Variants in HIRIP3 observed in about 807,000 individuals in gnomAD.
The protein encoded by HIRIP3 is HIRA interacting protein 3, also known as HIRA-interacting protein 3.
A neutral mutation model predicts 50.3 loss-of-function variants in HIRIP3; 40 were observed. The observed-to-expected ratio is 0.79, with a 90% CI of 0.62 to 1.03. The LOEUF is 1.03. Among genes scored for constraint, HIRIP3 ranks in the 50% least tolerant of loss-of-function variants. HIRIP3 has a pLI of 0.00. For synonymous variants in HIRIP3, 318 were observed against 261.6 expected (o/e 1.22, Z -2.08); for missense variants, 765 against 705.4 (o/e 1.08, Z -0.96).
At chr16:29,995,835 A>T (rs2070087510), upstream of HIRIP3, 1 of 610,230 alleles carries the variant, frequency 1.6e-6, no homozygotes. Flanking sequence ...ATCATTTTAA[A>T]AGTTCTCGTT....
intron 5 of HIRIP3, 28 bp downstream of exon 5, chr16:29,993,612 G>A (rs1363122447): frequency 6.2e-7 from 1 of 1,611,466 alleles, no homozygotes; most frequent in Non-Finnish European, 8.5e-7. Flanking sequence ...GCCCTCTCCT[G>A]CAGCCCCCAG....
rs570816593 is a variant in HIRIP3, at chr16:29,993,345, C to T, written c.1533G>A (p.Trp511Ter). Residue 511 changes from tryptophan to a stop codon, truncating the protein, a stop_gained, in exon 7 of 7, where the codon TGG becomes TGA. Transcript: ENST00000279392. LOFTEE classifies it high-confidence loss of function. ...GGGGTGCTGCTTCTCCTAAAGGGTT[C>T]CAGGCTGTACGTCTGCGTGGCCGGC... is the stretch of plus-strand genomic sequence containing the variant. Reference protein sequence around the residue: ...GSGRPRRRTAWNPLGEAAPPG... With the variant: ...GSGRPRRRTA The T allele has an allele frequency of 6.5e-7, 1 of 1,549,870 alleles. No homozygotes were observed. Among genetic ancestry groups the T allele is most frequent in the Non-Finnish European group, 8.7e-7 (1 of 1,144,560 alleles).
upstream of HIRIP3, chr16:29,995,824 G>T: frequency 1.6e-6 from 1 of 618,566 alleles, no homozygotes; most frequent in African/African-American, 1.8e-5. Context: ...TTTTGGAACG[G>T]ATCATTTTAA....
Position 29,995,441 on chromosome 16 carries a change from G to A in HIRIP3, c.88C>T (p.Arg30Trp), listed in dbSNP as rs1243913922. ...CCCGAGTGAGCTAAGTACCTCCGCC[G>A]CACGATGGAATGCGTAAGCGTGCTG... Reference protein sequence around the residue: ...DLSTLTHSIVRRRYLAHSGRS... With the variant: ...DLSTLTHSIVWRRYLAHSGRS... The change falls in exon 2 of 7, where the codon CGG becomes TGG. Residue 30 changes from arginine to tryptophan, a missense_variant. Physicochemically the swap from Arg to Trp is moderately radical, Grantham distance 101. Coordinates refer to ENST00000279392, the MANE Select transcript of HIRIP3 (RefSeq NM_003609.5). 2.5e-6 allele frequency: 4 copies of A among 1,613,482 alleles called. No homozygotes were observed. The highest frequency in any genetic ancestry group is 3.4e-6 in the Non-Finnish European group (4 of 1,179,770).
At position 29,993,105 on chromosome 16, in the gene HIRIP3, G is replaced by A; in HGVS notation, c.*102C>T. 9.1e-7 allele frequency: 1 copy of A among 1,103,720 alleles called. No individual in the cohort carries two copies. The allele number at this position is 1,103,720 out of a possible 1,614,324, so 68.4% of individuals were successfully genotyped here. A position where few individuals can be genotyped will look rare whatever the true frequency, so the allele number is the denominator to read the frequency against. On this transcript the variant is annotated 3_prime_UTR_variant, in exon 7 of 7. Coordinates refer to ENST00000279392, the MANE Select transcript of HIRIP3 (RefSeq NM_003609.5). ...ACAGCTTGTGTCCTTGGGAGCTGCA[G>A]TCTTCTCTGAAGGAAGCTGCTTCTG...
At position 29,995,218 on chromosome 16, in the gene HIRIP3, C is replaced by CTG. The variant is rs756154606; in HGVS notation, c.187-3_187-2dup. 5 of 1,614,098 alleles carry CTG rather than the reference C, an allele frequency of 3.1e-6. No homozygotes were observed. The African/African-American group carries it at 5.3e-5, about 17-fold the overall frequency. ...CTTCCCTGGAAGCGGCTTCATCCAC[C>CTG]TGTGTGTGCGCCAAGAGGGCAAACT... On this transcript the variant is annotated splice_acceptor_variant, in intron 2 of 6. Coordinates refer to ENST00000279392, the MANE Select transcript of HIRIP3 (RefSeq NM_003609.5). LOFTEE classifies it high-confidence loss of function.
rs529203258 is a variant in HIRIP3 at position 29,993,729 on chromosome 16, C to G, written c.1319G>C (p.Arg440Pro). Residue 440 changes from arginine (R) to proline (P), a missense_variant, in exon 5 of 7, where the codon CGA becomes CCA. Transcript: ENST00000279392. Reference protein sequence around the residue: ...KRYIRACGAHRNYKKLLGSCC... With the variant: ...KRYIRACGAHPNYKKLLGSCC... ...GGAGCCCAACAGCTTCTTGTAGTTT[C>G]GATGGGCACCACAGGCCCGAATGTA... 1.2e-6 allele frequency: 2 copies of G among 1,609,154 alleles called. No homozygotes were observed. The highest frequency in any genetic ancestry group is 1.7e-5 in the Admixed American group (1 of 60,026).
In HIRIP3 at chr16:29,994,827, G is replaced by A; in HGVS notation, c.318C>T (p.Ala106=). 3 of 1,610,822 alleles carry A rather than the reference G, an allele frequency of 1.9e-6. No homozygotes were observed. Among genetic ancestry groups the A allele is most frequent in the Non-Finnish European group, 2.5e-6 (3 of 1,178,388 alleles). The part of the protein sequence containing the change: ...FNSESESGSE[A]SSPDYFGPPA... ...GGGGTCCAAAGTAGTCTGGGCTGGA[G>A]GCTTCAGAGCCGGACTCTGGAATAT... The change falls in exon 4 of 7, where the codon GCC becomes GCT. Residue 106 remains alanine (A), a synonymous_variant. Transcript: ENST00000279392.
chr16:29,995,330 C>A lies in HIRIP3; in HGVS notation c.186+13G>T, dbSNP rs1213505330. The A allele has an allele frequency of 6.2e-7, 1 of 1,608,648 alleles. No homozygotes were observed. Among genetic ancestry groups the A allele is most frequent in the African/African-American group, 1.3e-5 (1 of 74,844 alleles). ...CCTCCGCCTCCCGCGGCCCAGGCTC[C>A]GGCCCGGCACACCTGCATCTTCAGC... On this transcript the variant is annotated intron_variant, in intron 2 of 6. Coordinates refer to ENST00000279392, the MANE Select transcript of HIRIP3 (RefSeq NM_003609.5).
Position 29,993,684 on chromosome 16 carries a change from C to G in HIRIP3, c.1364G>C (p.Arg455Pro). The change falls in exon 5 of 7, where the codon CGC becomes CCC. Residue 455 changes from arginine to proline, a missense_variant. Arg to Pro is a moderately radical substitution (Grantham distance 103). Transcript: ENST00000279392. ...CAGTTCTGCCCGGAGGATACTCAGGCGCTCCTTGTGTGAGCAACAGGAGCC... is the reference window on the plus strand; with the variant it reads ...CAGTTCTGCCCGGAGGATACTCAGGGGCTCCTTGTGTGAGCAACAGGAGCC... The part of the protein sequence containing the change: ...LLGSCCSHKE[R>P]LSILRAELEA... The G allele has an allele frequency of 6.2e-7, 1 of 1,610,804 alleles. No homozygotes were observed. Among genetic ancestry groups the G allele is most frequent in the Non-Finnish European group, 8.5e-7 (1 of 1,179,996 alleles).
At chr16:29,994,969 T>G in intron 3 of HIRIP3, 126 bp from the exon 4 acceptor site, 1 of 1,487,350 alleles carries the variant, frequency 6.7e-7, no homozygotes, top group Non-Finnish European at 9.1e-7. Context: ...CTATCTGTAC[T>G]TGCTGTTCCC....
rs1228706511 is a variant in HIRIP3, at chr16:29,993,343, TTCCAGGCTGTACG to T, written c.1522_1534del (p.Arg508ThrfsTer3). ...TGGGGGTGCTGCTTCTCCTAAAGGG[TTCCAGGCTGTACG>T]TCTGCGTGGCCGGCCTAGGGGAAAG... On this transcript the variant is annotated frameshift_variant, in exon 7 of 7. Transcript: ENST00000279392. LOFTEE classifies it high-confidence loss of function. The T allele has an allele frequency of 6.5e-7, 1 of 1,549,262 alleles. No individual in the cohort carries two copies. Among genetic ancestry groups the T allele is most frequent in the Admixed American group, 1.9e-5 (1 of 52,404 alleles).
In HIRIP3 at chr16:29,994,038, T is replaced by TA; in HGVS notation, c.1106dup (p.Ser370LysfsTer2). 6.2e-7 allele frequency: 1 copy of TA among 1,611,546 alleles called. No homozygotes were observed. Among genetic ancestry groups the TA allele is most frequent in the African/African-American group, 1.3e-5 (1 of 74,968 alleles). ...GGCCTCCCCCTGCCTCGCTGTCACTTACCTCCCTCTCCAAGTCACTTTCCT... is the reference window on the plus strand; with the variant it reads ...GGCCTCCCCCTGCCTCGCTGTCACTTAACCTCCCTCTCCAAGTCACTTTCCT... On this transcript the variant is annotated frameshift_variant, in exon 4 of 7. Transcript: ENST00000279392. LOFTEE classifies it high-confidence loss of function.
At position 29,994,687 on chromosome 16, in the gene HIRIP3, G is replaced by C; in HGVS notation, c.458C>G (p.Ala153Gly). The part of the protein sequence containing the change: ...SDEERQRDLP[A>G]QRGEESSEEE... ...CTCACTGCTCTCCTCTCCCCTCTGT[G>C]CGGGCAGGTCCCTCTGCCGTTCCTC... The change falls in exon 4 of 7, where the codon GCA (alanine) becomes GGA (glycine). Residue 153 changes from alanine (A) to glycine (G), a missense_variant. By Grantham distance (60) the Ala-to-Gly change is moderately conservative. Transcript: ENST00000279392. 1 of 1,613,998 alleles carries C rather than the reference G, an allele frequency of 6.2e-7. No homozygotes were observed. The highest frequency in any genetic ancestry group is 8.5e-7 in the Non-Finnish European group (1 of 1,180,012).
Position 29,995,228 on chromosome 16 carries a change from G to C in HIRIP3, c.187-11C>G, listed in dbSNP as rs377277376. 2.5e-6 allele frequency: 4 copies of C among 1,613,946 alleles called. No individual in the cohort carries two copies. Among genetic ancestry groups the C allele is most frequent in the Non-Finnish European group, 2.5e-6 (3 of 1,179,928 alleles). On this transcript the variant is annotated splice_polypyrimidine_tract_variant and intron_variant, in intron 2 of 6. Transcript: ENST00000279392. ...AGCGGCTTCATCCACCTGTGTGTGC[G>C]CCAAGAGGGCAAACTATGCACCAAG...
rs1399789805 is a variant in HIRIP3, at chr16:29,995,557, C to G, written c.49G>C (p.Gly17Arg). 2.5e-6 allele frequency: 4 copies of G among 1,612,830 alleles called. No homozygotes were observed. The African/African-American group carries it at 4.0e-5, about 16-fold the overall frequency. The change falls in exon 1 of 7, where the codon GGC becomes CGC. Residue 17 changes from glycine (G) to arginine (R), a missense_variant. Physicochemically the swap from Gly to Arg is moderately radical, Grantham distance 125 (BLOSUM62 -2). Transcript: ENST00000279392. ...MQEFTRSFFR[G>R]RPDLSTLTHS... ...CCTGGGCACCTGAGGTCCGGGCGGC[C>G]TCGGAAGAAGCTACGGGTGAACTCC...
intron 3 of HIRIP3, 27 bp downstream of exon 3, chr16:29,995,076 C>T (rs1466837650): frequency 3.1e-6 from 5 of 1,597,718 alleles, no homozygotes; most frequent in Admixed American, 1.7e-5. Flanking sequence ...ATGCAGAAGG[C>T]CCCCACAGCA....
chr16:29,993,139 A>T lies in HIRIP3; in HGVS notation c.*68T>A. On this transcript the variant is annotated 3_prime_UTR_variant, in exon 7 of 7. Coordinates refer to ENST00000279392, the MANE Select transcript of HIRIP3 (RefSeq NM_003609.5). Reference sequence around the variant, plus strand: ...GAAGGAAGCTGCTTCTGTTCCACAGACACAGGGCAAGGGGTGCTATGTATG... The same window carrying T: ...GAAGGAAGCTGCTTCTGTTCCACAGTCACAGGGCAAGGGGTGCTATGTATG... 7.0e-7 allele frequency: 1 copy of T among 1,438,756 alleles called. No individual in the cohort carries two copies. Among genetic ancestry groups the T allele is most frequent in the Non-Finnish European group, 9.3e-7 (1 of 1,076,594 alleles). The allele number at this position is 1,438,756 out of a possible 1,614,324, so 89.1% of individuals were successfully genotyped here. A position where few individuals can be genotyped will look rare whatever the true frequency, so the allele number is the denominator to read the frequency against.
In HIRIP3 at chr16:29,994,196, T is replaced by G; in HGVS notation, c.949A>C (p.Ser317Arg). ...RDREPPVQRKSEDRTQLKGGK... is the reference protein window; with the variant it reads ...RDREPPVQRKREDRTQLKGGK... ...CCCTTAAGCTGGGTCCTGTCCTCAC[T>G]CTTCCTCTGCACTGGGGGTTCTCTA... The change falls in exon 4 of 7, where the codon AGT becomes CGT. Residue 317 changes from serine to arginine, a missense_variant. Ser to Arg is a moderately radical substitution (Grantham distance 110). Coordinates refer to ENST00000279392, the MANE Select transcript of HIRIP3 (RefSeq NM_003609.5). 1.2e-6 allele frequency: 2 copies of G among 1,614,110 alleles called. No homozygotes were observed. The highest frequency in any genetic ancestry group is 1.7e-6 in the Non-Finnish European group (2 of 1,180,002).
Sources: allele counts gnomAD v4.1 joint callset, GRCh38; gene constraint gnomAD v4.1.1; transcripts MANE v1.5; gene names NCBI Gene and HGNC (gene_info 2026-07-23, HGNC 2026-07-21).